ATP10B: variants seen among roughly 807,000 people sequenced by gnomAD.
ATP10B encodes the protein phospholipid-transporting ATPase VB.
ATP10B carries 122 observed loss-of-function variants against 141.2 expected under a neutral mutation model. The observed-to-expected ratio is 0.86, with a 90% CI of 0.75 to 1.00. The LOEUF (loss-of-function observed/expected upper bound fraction) is 1.00. Ranked by LOEUF, ATP10B falls within the 50% of genes least tolerant of loss-of-function variation. The pLI is 0.00. For synonymous variants in ATP10B, 685 were observed against 692.0 expected, an observed-to-expected ratio of 0.99 and a Z score of 0.16; for missense variants, 1,876 against 1,825.3, an observed-to-expected ratio of 1.03 and a Z score of -0.51.
At chr5:160,906,708 A>G in the ATP10B span, among the ~76,000 whole-genome samples, 491 of 152,330 alleles carry the variant, frequency 3.2e-3, 2 homozygotes, top group Non-Finnish European at 5.0e-3. Flanking sequence ...ATTTTGCCCA[A>G]TGAAACATAA....
At chr5:160,744,437 C>T (rs1176406843) in intron 2 of ATP10B, among the ~76,000 whole-genome samples, 14 of 152,172 alleles carry the variant, frequency 9.2e-5, no homozygotes, top group Admixed American at 9.2e-4. Context: ...TGACTGAGTT[C>T]CCAGAGCCCA....
In ATP10B at chr5:160,717,020, A is replaced by T. The variant is rs1765704230; in HGVS notation, c.-316T>A. On this transcript the variant is annotated 5_prime_UTR_variant, in exon 3 of 26. Coordinates refer to ENST00000327245, the MANE Select transcript of ATP10B (RefSeq NM_025153.3). ...TTTAGCTGGGCAAATTGTTGATCAG[A>T]ATAAATTGCAAGTTCTGTAAGCAAG... 1 of 985,360 alleles carries T rather than the reference A, an allele frequency of 1.0e-6. No homozygotes were observed. Among genetic ancestry groups the T allele is most frequent in the Admixed American group, 6.1e-5 (1 of 16,278 alleles). 61.0% of individuals were successfully genotyped at this position (985,360 alleles called of 1,614,324 possible).
chr5:160,909,289 G>A, the ATP10B span, among the ~76,000 whole-genome samples: 2 of 152,190 alleles, frequency 1.3e-5, no homozygotes, highest in African/African-American at 2.4e-5. Flanking sequence ...AATGCTGTGT[G>A]TGTGTGTGTT....
At chr5:160,815,129 A>G (rs984921816) in intron 1 of ATP10B, among the ~76,000 whole-genome samples, 9 of 152,212 alleles carry the variant, frequency 5.9e-5, no homozygotes, top group African/African-American at 1.4e-4. Flanking sequence ...AAATTCACAC[A>G]TAACAATATT....
At chr5:160,834,917 C>A (rs1775323829) in intron 1 of ATP10B, among the ~76,000 whole-genome samples, 1 of 152,076 alleles carries the variant, frequency 6.6e-6, no homozygotes, top group Admixed American at 6.6e-5. Flanking sequence ...ACCCCTTGAC[C>A]AGATGTTTAT....
chr5:160,773,375 G>C (rs1561838908), intron 2 of ATP10B, among the ~76,000 whole-genome samples: 1 of 152,158 alleles, frequency 6.6e-6, no homozygotes, highest in East Asian at 1.9e-4. Context: ...GGAAGTCTGG[G>C]TACCAGCCAC....
chr5:160,865,888 G>A, the ATP10B span, among the ~76,000 whole-genome samples: 6 of 152,026 alleles, frequency 3.9e-5, no homozygotes, highest in Non-Finnish European at 5.9e-5. Context: ...TGCACAAATG[G>A]CCATAATTAA....
chr5:160,697,684 C>A (rs1581376175), intron 3 of ATP10B, among the ~76,000 whole-genome samples: 1 of 151,828 alleles, frequency 6.6e-6, no homozygotes, highest in African/African-American at 2.4e-5. Flanking sequence ...ATAGCAACCA[C>A]CTAAAATAAA....
chr5:160,688,451 T>C (rs995584846), intron 4 of ATP10B, among the ~76,000 whole-genome samples: 5 of 152,144 alleles, frequency 3.3e-5, no homozygotes, highest in Non-Finnish European at 7.4e-5. Context: ...TTTGGCCTAA[T>C]TGGGGCTGTC....
intron 5 of ATP10B, 71 bp from the exon 6 acceptor site, chr5:160,686,344 C>T (rs1271993852): frequency 1.6e-6 from 2 of 1,221,180 alleles, no homozygotes; most frequent in Admixed American, 3.0e-5. Flanking sequence ...CATTTCTTCC[C>T]TACTGTTTGG....
chr5:160,843,372 C>CTGAG (rs1208485905), intron 1 of ATP10B, among the ~76,000 whole-genome samples: 1 of 152,042 alleles, frequency 6.6e-6, no homozygotes, highest in Non-Finnish European at 1.5e-5. Context: ...TGAGTACTTA[C>CTGAG]TGAGTAACTA....
At chr5:160,793,275 A>G (rs1410339308) in intron 1 of ATP10B, among the ~76,000 whole-genome samples, 1 of 151,678 alleles carries the variant, frequency 6.6e-6, no homozygotes, top group East Asian at 1.9e-4. Context: ...TTCCTAGCTG[A>G]CTATTAACAA....
At chr5:160,873,693 A>T in the ATP10B span, among the ~76,000 whole-genome samples, 2 of 152,096 alleles carry the variant, frequency 1.3e-5, no homozygotes, top group East Asian at 1.9e-4. Context: ...TGCGCGAGCC[A>T]AAGCAGGGCG....
In ATP10B at chr5:160,741,542, C is replaced by T. The variant is rs1252625405; in HGVS notation, c.-330-24508G>A. Among the ~76,000 whole-genome samples, 6 of 152,164 alleles carry T rather than the reference C, an allele frequency of 3.9e-5. 1 individual carries two copies. The highest frequency in any genetic ancestry group is 3.3e-4 in the Admixed American group (5 of 15,272). ...GCTTATAGGGTAAACAGCCTGTCAACTACCATTGCCAGGATGAAATGTAAC... is the reference window on the plus strand; with the variant it reads ...GCTTATAGGGTAAACAGCCTGTCAATTACCATTGCCAGGATGAAATGTAAC... On this transcript the variant is annotated intron_variant, in intron 2 of 25. Coordinates refer to ENST00000327245, the MANE Select transcript of ATP10B (RefSeq NM_025153.3).
chr5:160,644,754 C>T (rs1468958767), intron 8 of ATP10B, among the ~76,000 whole-genome samples: 1 of 152,102 alleles, frequency 6.6e-6, no homozygotes, highest in Non-Finnish European at 1.5e-5. Context: ...ATTATCCATG[C>T]CTGTCCCAGG....
chr5:160,812,972 A>G (rs1031604670), intron 1 of ATP10B, among the ~76,000 whole-genome samples: 1 of 152,236 alleles, frequency 6.6e-6, no homozygotes, highest in Non-Finnish European at 1.5e-5. Flanking sequence ...CAAACTTATG[A>G]AAGTCAATAA....
chr5:160,756,875 G>A (rs1170194052), intron 2 of ATP10B, among the ~76,000 whole-genome samples: 1 of 151,872 alleles, frequency 6.6e-6, no homozygotes, highest in East Asian at 1.9e-4. Context: ...TTAAATACAT[G>A]TCACGCGAAT....
chr5:160,600,965 G>T (rs901273836), intron 21 of ATP10B, among the ~76,000 whole-genome samples: 2 of 151,946 alleles, frequency 1.3e-5, no homozygotes, highest in Non-Finnish European at 2.9e-5. Context: ...CTTTGAAAGC[G>T]TGGCTGCTTG....
At position 160,834,989 on chromosome 5, in the gene ATP10B, T is replaced by C. The variant is rs77465041; in HGVS notation, c.-576+16952A>G. On this transcript the variant is annotated intron_variant, in intron 1 of 25. Coordinates refer to ENST00000327245, the MANE Select transcript of ATP10B (RefSeq NM_025153.3). ...ATGAGAACTTATTTTGTGTGTTCCA[T>C]TGAAACTGAGAATTCAGGTTTTTCT... Among the ~76,000 whole-genome samples the C allele has an allele frequency of 6.1e-3, 922 of 152,232 alleles. 13 individuals are homozygous for C. The highest frequency in any genetic ancestry group is 0.021 in the African/African-American group (874 of 41,554).
Sources: allele counts gnomAD v4.1 joint callset (sites outside exome capture counted in the v4.1 genomes callset), GRCh38; gene constraint gnomAD v4.1.1; transcripts MANE v1.5; gene names NCBI Gene and HGNC (gene_info 2026-07-23, HGNC 2026-07-21).